TENT5D: variants seen among roughly 807,000 people sequenced by gnomAD.
TENT5D encodes terminal nucleotidyltransferase 5D.
For missense variants in TENT5D, 191 were observed against 287.0 expected (o/e 0.67, Z 2.42); for synonymous variants, 103 against 100.6 (o/e 1.02, Z -0.15).
chrX:80,409,142 A>T (rs1217974092), intron 3 of TENT5D, among the ~76,000 whole-genome samples: 1 of 109,830 alleles, frequency 9.1e-6, no homozygotes, highest in African/African-American at 3.3e-5. Flanking sequence ...AGCCAATATC[A>T]TACTGAATGG....
At chrX:80,409,968 A>G (rs1465515997) in intron 3 of TENT5D, among the ~76,000 whole-genome samples, 2 of 110,099 alleles carry the variant, frequency 1.8e-5, no homozygotes, top group African/African-American at 6.6e-5. Context: ...CTGATCTTTG[A>G]CAAACCTGAG....
At chrX:80,382,462 G>A (rs1282779839) in intron 3 of TENT5D, among the ~76,000 whole-genome samples, 2 of 112,031 alleles carry the variant, frequency 1.8e-5, no homozygotes, top group Non-Finnish European at 3.8e-5. Context: ...ACTTGAGGAG[G>A]CAGTCCGTTC....
intron 3 of TENT5D, among the ~76,000 whole-genome samples, chrX:80,378,979 T>G (rs113777855): frequency 9.2e-6 from 1 of 109,053 alleles, no homozygotes; most frequent in Non-Finnish European, 1.9e-5. Flanking sequence ...TTTTTGCCCA[T>G]TCATTATGAT....
intron 3 of TENT5D, among the ~76,000 whole-genome samples, chrX:80,402,918 C>T (rs1602209279): frequency 8.9e-6 from 1 of 111,994 alleles, no homozygotes; most frequent in African/African-American, 3.2e-5. Context: ...AGTATTTTCA[C>T]GTCCAGTGTT....
intron 3 of TENT5D, among the ~76,000 whole-genome samples, chrX:80,344,563 G>C (rs1298211852): frequency 2.7e-5 from 3 of 109,738 alleles, no homozygotes; most frequent in African/African-American, 9.9e-5. Flanking sequence ...ATGAAGATGA[G>C]CATTTTTTTC....
chrX:80,414,579 T>TA lies in TENT5D; in HGVS notation c.-141-24030dup, dbSNP rs200800539. 1.7e-3 allele frequency among the ~76,000 whole-genome samples: 196 copies of TA among 112,374 alleles called. 8 individuals carry two copies. The East Asian group carries it at 0.052, about 30-fold the overall frequency. ...TCTTACAGTCAGTATGTGTAAGACT[T>TA]ACATTGGTTCAGTCTTGTAAGGTGG... On this transcript the variant is annotated intron_variant, in intron 3 of 4. Transcript: ENST00000538312.
At chrX:80,373,883 T>C (rs1380199538) in intron 3 of TENT5D, among the ~76,000 whole-genome samples, 14 of 111,554 alleles carry the variant, frequency 1.3e-4, no homozygotes, top group Admixed American at 1.3e-3. Flanking sequence ...AGGTTTGTTA[T>C]GTAGGTAAAC....
At chrX:80,408,154 G>A (rs1252292677) in intron 3 of TENT5D, among the ~76,000 whole-genome samples, 1 of 108,716 alleles carries the variant, frequency 9.2e-6, no homozygotes, top group Non-Finnish European at 1.9e-5. Flanking sequence ...AAGCAGGAAA[G>A]ATCCAAAATT....
chrX:80,346,276 G>A (rs976428047), intron 3 of TENT5D, among the ~76,000 whole-genome samples: 9 of 112,254 alleles, frequency 8.0e-5, no homozygotes, highest in Non-Finnish European at 5.6e-5. Context: ...TACACCTGCT[G>A]AAAGATATTT....
In TENT5D at chrX:80,395,002, G is replaced by C. The variant is rs753405816; in HGVS notation, c.-141-43608G>C. On this transcript the variant is annotated intron_variant, in intron 3 of 4. Transcript: ENST00000538312. Reference sequence around the variant, plus strand: ...AATTGTAACTTTGGACCTGTTGACCGATCTCTCCCCATTCTCTCCTGCTCT... The same window carrying C: ...AATTGTAACTTTGGACCTGTTGACCCATCTCTCCCCATTCTCTCCTGCTCT... Among the ~76,000 whole-genome samples the C allele has an allele frequency of 3.6e-5, 4 of 111,559 alleles. No individual in the cohort carries two copies. The South Asian group carries it at 1.5e-3, about 42-fold the overall frequency.
rs764289178 is a variant in TENT5D, at chrX:80,387,365, T to C, written c.-142+44801T>C. Among the ~76,000 whole-genome samples the C allele has an allele frequency of 8.9e-5, 10 of 112,044 alleles. No individual in the cohort carries two copies. The South Asian group carries it at 3.0e-3, about 34-fold the overall frequency. ...TCTTCATCGTGTGGGCTCATTTGTA[T>C]CTATCCTCCATGGGAAGGTTTTCCA... On this transcript the variant is annotated intron_variant, in intron 3 of 4. Transcript: ENST00000538312.
intron 3 of TENT5D, among the ~76,000 whole-genome samples, chrX:80,380,333 T>C (rs765040463): frequency 9.0e-6 from 1 of 110,999 alleles, no homozygotes; most frequent in Non-Finnish European, 1.9e-5. Flanking sequence ...ACAGTTTGTT[T>C]TGATTTCTGT....
intron 2 of TENT5D, among the ~76,000 whole-genome samples, chrX:80,440,605 T>C (rs1438759906): frequency 9.0e-5 from 10 of 110,890 alleles, no homozygotes; most frequent in Admixed American, 6.8e-4. Flanking sequence ...ATAGATGATT[T>C]ACATGGAGAC....
At chrX:80,379,021 A>T (rs746618071) in intron 3 of TENT5D, among the ~76,000 whole-genome samples, 33 of 107,096 alleles carry the variant, frequency 3.1e-4, no homozygotes, top group African/African-American at 1.0e-3. Context: ...AATTGCTCTT[A>T]TTATTTTGAG....
chrX:80,391,927 T>C (rs1931135936), intron 3 of TENT5D, among the ~76,000 whole-genome samples: 2 of 112,636 alleles, frequency 1.8e-5, no homozygotes, highest in Non-Finnish European at 3.7e-5. Context: ...AAGTATGGGA[T>C]AGTATAGCAA....
upstream of TENT5D, among the ~76,000 whole-genome samples, chrX:80,419,079 T>G (rs1931832912): frequency 1.8e-5 from 2 of 111,807 alleles, no homozygotes; most frequent in East Asian, 5.6e-4. Flanking sequence ...TTCTTTTGAA[T>G]GAGGATTGAG....
In TENT5D at chrX:80,375,559, T is replaced by C. The variant is rs746823160; in HGVS notation, c.-142+32995T>C. The stretch of plus-strand genomic sequence containing the variant: ...AATTGTATTTTCTACAATTTGTCCA[T>C]GTATATTTTCAGTCAGTTTAATTCA... On this transcript the variant is annotated intron_variant, in intron 3 of 4. Coordinates refer to the TENT5D transcript ENST00000538312. Among the ~76,000 whole-genome samples, 5 of 111,590 alleles carry C rather than the reference T, an allele frequency of 4.5e-5. No homozygotes were observed. In the South Asian group the frequency reaches 1.9e-3, roughly 41 times the overall value.
At chrX:80,418,158 AT>A (rs1280478443), upstream of TENT5D, among the ~76,000 whole-genome samples, 2 of 108,657 alleles carry the variant, frequency 1.8e-5, no homozygotes, top group Non-Finnish European at 3.8e-5. Flanking sequence ...ATCTTTAATG[AT>A]TTTTTTTTGA....
At chrX:80,378,297 A>G (rs775525845) in intron 3 of TENT5D, among the ~76,000 whole-genome samples, 1 of 111,663 alleles carries the variant, frequency 9.0e-6, no homozygotes, top group Non-Finnish European at 1.9e-5. Context: ...TGTTTTAGAC[A>G]TGAAGTCCTT....
Sources: allele counts gnomAD v4.1 joint callset (sites outside exome capture counted in the v4.1 genomes callset), GRCh38; gene constraint gnomAD v4.1.1; transcripts MANE v1.5; gene names NCBI Gene and HGNC (gene_info 2026-07-23, HGNC 2026-07-21).